Variants in ASPRV1 observed in about 807,000 individuals in gnomAD.
ASPRV1 encodes aspartic peptidase retroviral like 1, also known as retroviral-like aspartic protease 1.
A neutral mutation model predicts 11.0 loss-of-function variants in ASPRV1; 7 were observed. The observed-to-expected ratio is 0.64, with a 90% CI of 0.36 to 1.20. The LOEUF is 1.20. ASPRV1 is among the 50% of genes most tolerant of loss of function. The probability of loss-of-function intolerance (pLI) is 0.02; values close to 1 mark genes in which losing one functional copy is unlikely to be tolerated. For synonymous variants in ASPRV1, 136 were observed against 138.4 expected, an observed-to-expected ratio of 0.98 and a Z score of 0.12; for missense variants, 299 against 320.0, an observed-to-expected ratio of 0.93 and a Z score of 0.50.
At chr2:70,056,383 A>G in the ASPRV1 span, 1 of 152,080 alleles carries the variant, frequency 6.6e-6, no homozygotes, top group African/African-American at 2.4e-5. Flanking sequence ...AGGCGGGCGG[A>G]TCACGAGGTC....
At chr2:69,968,887 G>A in the ASPRV1 span, among the ~76,000 whole-genome samples, 46,441 of 152,086 alleles carry the variant, frequency 0.31, 7,461 homozygotes, top group East Asian at 0.35. Flanking sequence ...TCCCAGGGCA[G>A]CCGCTCCAGC....
chr2:69,969,122 G>A, the ASPRV1 span, among the ~76,000 whole-genome samples: 1 of 152,190 alleles, frequency 6.6e-6, no homozygotes, highest in East Asian at 1.9e-4. Context: ...GGGCCAAGGT[G>A]CACAGATGCC....
chr2:69,944,764 C>T, the ASPRV1 span, among the ~76,000 whole-genome samples: 20 of 152,094 alleles, frequency 1.3e-4, no homozygotes, highest in Middle Eastern at 3.4e-3. Flanking sequence ...GCTGTCCTCT[C>T]AATCTCAACT....
the ASPRV1 span, among the ~76,000 whole-genome samples, chr2:70,052,830 T>G: frequency 8.9e-4 from 136 of 152,232 alleles, no homozygotes; most frequent in African/African-American, 3.2e-3. Context: ...GCCACCTGAC[T>G]CAGACTCCCT....
At chr2:70,069,560 G>C in the ASPRV1 span, among the ~76,000 whole-genome samples, 2 of 152,094 alleles carry the variant, frequency 1.3e-5, no homozygotes, top group African/African-American at 2.4e-5. Flanking sequence ...TTAGAGCTTC[G>C]GGGTAGCTCA....
the ASPRV1 span, among the ~76,000 whole-genome samples, chr2:69,948,869 T>C: frequency 6.6e-6 from 1 of 151,904 alleles, no homozygotes; most frequent in Non-Finnish European, 1.5e-5. Flanking sequence ...CCCCACCTGA[T>C]CAGGCCCTGT....
chr2:70,047,932 A>C, the ASPRV1 span, among the ~76,000 whole-genome samples: 4 of 151,872 alleles, frequency 2.6e-5, no homozygotes, highest in Admixed American at 2.6e-4. Context: ...AACATGGTGA[A>C]ATGCCGTCTC....
the ASPRV1 span, among the ~76,000 whole-genome samples, chr2:69,985,300 A>C: frequency 2.0e-5 from 3 of 151,562 alleles, no homozygotes; most frequent in Non-Finnish European, 4.4e-5. Flanking sequence ...CAGATTGCTG[A>C]GTTAGCCACA....
chr2:69,938,266 G>C, the ASPRV1 span: 1 of 1,614,176 alleles, frequency 6.2e-7, no homozygotes, highest in Non-Finnish European at 8.5e-7. Context: ...ACAGTCACAA[G>C]GCGTGTCTTG....
the ASPRV1 span, among the ~76,000 whole-genome samples, chr2:69,968,163 G>C: frequency 6.6e-6 from 1 of 152,112 alleles, no homozygotes. Flanking sequence ...CTTTCACTCA[G>C]TTTTGCTGTG....
At chr2:70,043,602 T>C in the ASPRV1 span, among the ~76,000 whole-genome samples, 1 of 152,228 alleles carries the variant, frequency 6.6e-6, no homozygotes, top group Non-Finnish European at 1.5e-5. Context: ...TTTCTTAGCA[T>C]AGCTCATTGG....
At chr2:70,085,194 C>T in the ASPRV1 span, among the ~76,000 whole-genome samples, 6 of 152,110 alleles carry the variant, frequency 3.9e-5, no homozygotes, top group African/African-American at 7.2e-5. Flanking sequence ...GGGGAGCTGA[C>T]GGAAGCAAGT....
At chr2:70,005,042 G>C in the ASPRV1 span, among the ~76,000 whole-genome samples, 5 of 150,424 alleles carry the variant, frequency 3.3e-5, no homozygotes, top group African/African-American at 1.2e-4. Flanking sequence ...CTCACACAGA[G>C]AGGTTCCACT....
the ASPRV1 span, chr2:70,064,046 A>C: frequency 2.6e-5 from 4 of 152,222 alleles, no homozygotes; most frequent in Non-Finnish European, 5.9e-5. Flanking sequence ...AGTTAATAAT[A>C]TGCCTACCCA....
the ASPRV1 span, chr2:70,054,187 G>C: frequency 6.6e-6 from 1 of 152,022 alleles, no homozygotes; most frequent in African/African-American, 2.4e-5. Context: ...AGCTAGTCAG[G>C]AGGCTGAGGC....
chr2:70,011,887 A>T, the ASPRV1 span: 1 of 152,744 alleles, frequency 6.5e-6, no homozygotes, highest in Non-Finnish European at 1.5e-5. Context: ...GGCATGAGAG[A>T]GGGAGGAAAA....
At chr2:70,065,945 C>T in the ASPRV1 span, among the ~76,000 whole-genome samples, 11 of 151,658 alleles carry the variant, frequency 7.3e-5, no homozygotes, top group African/African-American at 2.4e-4. Context: ...CAGTGGCTCA[C>T]GCCTGTACTC....
chr2:69,983,179 A>G, the ASPRV1 span, among the ~76,000 whole-genome samples: 1 of 152,058 alleles, frequency 6.6e-6, no homozygotes, highest in African/African-American at 2.4e-5. Flanking sequence ...ATGGCCTCCC[A>G]AAGTGCTGGG....
chr2:70,032,493 C>T, the ASPRV1 span, among the ~76,000 whole-genome samples: 3 of 92,444 alleles, frequency 3.2e-5, no homozygotes, highest in African/African-American at 1.2e-4. Flanking sequence ...TTGGTCTCTA[C>T]AAAAAAAAAA....
Sources: gnomAD v4.1 joint callset for allele counts (sites outside exome capture counted in the v4.1 genomes callset) on GRCh38, gnomAD v4.1.1 for gene constraint, MANE v1.5 for transcripts, NCBI Gene and HGNC (gene_info 2026-07-23, HGNC 2026-07-21) for gene names.